Variants in FAHD2B observed in about 807,000 individuals in gnomAD.
FAHD2B encodes fumarylacetoacetate hydrolase domain containing 2B, also known as oxaloacetate tautomerase FAHD2B, mitochondrial.
A neutral mutation model predicts 33.7 loss-of-function variants in FAHD2B; 26 were observed. That is an observed-to-expected ratio of 0.77 (90% CI 0.57 to 1.07). The LOEUF (loss-of-function observed/expected upper bound fraction) is 1.07, where lower values mean the gene tolerates loss of function less well. Ranked by LOEUF, FAHD2B falls within the 50% of genes least tolerant of loss-of-function variation. FAHD2B has a pLI of 0.00. For synonymous variants in FAHD2B, 108 were observed against 150.9 expected (o/e 0.72, Z 2.08); for missense variants, 272 against 388.1 (o/e 0.70, Z 2.51).
chr2:97,093,317 C>T (rs1035634271), intron 1 of FAHD2B, among the ~76,000 whole-genome samples: 1 of 152,012 alleles, frequency 6.6e-6, no homozygotes, highest in Non-Finnish European at 1.5e-5. Context: ...ACTTCTCTGC[C>T]CTGCTATCTT....
chr2:97,089,685 C>T (rs1014349009), intron 4 of FAHD2B: 1 of 184,624 alleles, frequency 5.4e-6, no homozygotes, highest in African/African-American at 2.4e-5. Context: ...TCACAAAACT[C>T]CAAGGTAACC....
At chr2:97,092,498 T>C (rs1444719852) in intron 1 of FAHD2B, among the ~76,000 whole-genome samples, 1 of 152,154 alleles carries the variant, frequency 6.6e-6, no homozygotes, top group Non-Finnish European at 1.5e-5. Context: ...AGGGCACATG[T>C]CTGTCTCTTT....
Position 97,091,651 on chromosome 2 carries a change from C to T in FAHD2B, c.56G>A (p.Trp19Ter). The T allele has an allele frequency of 2.5e-6, 4 of 1,613,768 alleles. No homozygotes were observed. The highest frequency in any genetic ancestry group is 3.4e-6 in the Non-Finnish European group (4 of 1,179,906). The change falls in exon 3 of 9, where the codon TGG becomes TAG. Residue 19 changes from tryptophan (W) to a stop codon, truncating the protein, a stop_gained. Transcript: ENST00000414820. LOFTEE classifies it high-confidence loss of function. ...CATGTCTCTGGAGGGTTGAAAGGGC[C>T]ACTTCTGAGCCTGCAGCAGAGCTGT... ...LLTALLQAQK[W>*]PFQPSRDMRL...
downstream of FAHD2B, chr2:97,081,123 G>C (rs1050006705): frequency 1.3e-4 from 198 of 1,498,914 alleles, no homozygotes; most frequent in Non-Finnish European, 1.7e-4. Context: ...GGGGGCTGCT[G>C]GCAGGCAGAG....
downstream of FAHD2B, chr2:97,082,370 G>C: frequency 1.9e-6 from 3 of 1,612,876 alleles, no homozygotes; most frequent in Non-Finnish European, 2.5e-6. Context: ...TGTGCTGGGT[G>C]CCAGGTCTAG....
chr2:97,093,732 C>T (rs2032498345), intron 1 of FAHD2B, among the ~76,000 whole-genome samples: 1 of 152,080 alleles, frequency 6.6e-6, no homozygotes, highest in Non-Finnish European at 1.5e-5. Context: ...CTCGGCCTCC[C>T]AAATTGTTGG....
intron 3 of FAHD2B, 52 bp from the exon 4 acceptor site, chr2:97,090,377 C>T (rs1417794374): frequency 6.8e-7 from 1 of 1,472,180 alleles, no homozygotes; most frequent in African/African-American, 1.4e-5. Context: ...GGTGGGCAAT[C>T]CCGGGCAGGC....
chr2:97,086,010 G>A, intron 5 of FAHD2B, 129 bp downstream of exon 5: 1 of 1,278,370 alleles, frequency 7.8e-7, no homozygotes, highest in African/African-American at 1.4e-5. Context: ...AGGGAGCAAG[G>A]AGGCTGACTG....
downstream of FAHD2B, chr2:97,082,207 G>C: frequency 6.5e-7 from 1 of 1,531,264 alleles, no homozygotes; most frequent in Non-Finnish European, 8.8e-7. Context: ...TCAGCCAGCA[G>C]TCACACTGCC....
chr2:97,092,982 A>G (rs1005080575), intron 1 of FAHD2B, among the ~76,000 whole-genome samples: 1 of 151,606 alleles, frequency 6.6e-6, no homozygotes, highest in South Asian at 2.1e-4. Flanking sequence ...AAAAAAAAAA[A>G]AAAAAAGAAA....
At chr2:97,079,685 GA>G (rs1307141397), downstream of FAHD2B, among the ~76,000 whole-genome samples, 1 of 145,994 alleles carries the variant, frequency 6.8e-6, no homozygotes, top group Non-Finnish European at 1.5e-5. Flanking sequence ...TTTTTTTTGA[GA>G]CGGAGTCTCA....
In FAHD2B at chr2:97,091,621, A is replaced by C. The variant is rs555192064; in HGVS notation, c.86T>G (p.Leu29Arg). 1 of 1,613,900 alleles carries C rather than the reference A, an allele frequency of 6.2e-7. No homozygotes were observed. The highest frequency in any genetic ancestry group is 1.3e-5 in the African/African-American group (1 of 74,980). ...WPFQPSRDMRLVQFRAPHLVG... is the reference protein window; with the variant it reads ...WPFQPSRDMRRVQFRAPHLVG... Reference sequence around the variant, plus strand: ...CAGGTGGGGTGCCCGGAACTGCACTAGTCTCATGTCTCTGGAGGGTTGAAA... The same window carrying C: ...CAGGTGGGGTGCCCGGAACTGCACTCGTCTCATGTCTCTGGAGGGTTGAAA... Residue 29 changes from leucine to arginine, a missense_variant, in exon 3 of 9, where the codon CTA becomes CGA. By Grantham distance (102) the Leu-to-Arg change is moderately radical (BLOSUM62 -2). Transcript: ENST00000414820.
At chr2:97,083,442 G>A, downstream of FAHD2B, 1 of 1,377,278 alleles carries the variant, frequency 7.3e-7, no homozygotes, top group Non-Finnish European at 9.7e-7. Context: ...AAGGGGACGA[G>A]ACGAGTTGTC....
intron 6 of FAHD2B, among the ~76,000 whole-genome samples, chr2:97,084,720 G>C (rs2031851661): frequency 1.3e-5 from 2 of 151,948 alleles, no homozygotes. Flanking sequence ...AACCAGCCTG[G>C]GTAACACAGT....
chr2:97,080,226 T>C (rs1404911720), downstream of FAHD2B, among the ~76,000 whole-genome samples: 6 of 152,050 alleles, frequency 3.9e-5, no homozygotes, highest in Non-Finnish European at 8.8e-5. Flanking sequence ...TAGTTTGGGG[T>C]TTTACATTTA....
intron 1 of FAHD2B, among the ~76,000 whole-genome samples, chr2:97,093,803 G>C (rs2032504154): frequency 6.6e-6 from 1 of 152,186 alleles, no homozygotes; most frequent in East Asian, 1.9e-4. Flanking sequence ...GTGGAAGGTA[G>C]GTACTGTTAG....
At chr2:97,080,425 T>A (rs1465297120), downstream of FAHD2B, among the ~76,000 whole-genome samples, 1 of 152,084 alleles carries the variant, frequency 6.6e-6, no homozygotes, top group African/African-American at 2.4e-5. Context: ...CTGGGTTCTC[T>A]ATTCTGTTCC....
chr2:97,089,579 A>G (rs2032205390), intron 4 of FAHD2B, among the ~76,000 whole-genome samples: 2 of 151,708 alleles, frequency 1.3e-5, no homozygotes, highest in Admixed American at 6.6e-5. Flanking sequence ...TCTTTTCTAC[A>G]TAAGGATGTT....
At chr2:97,084,076 C>T (rs1282447874) in intron 7 of FAHD2B, 41 bp from the exon 8 acceptor site, 1 of 1,613,160 alleles carries the variant, frequency 6.2e-7, no homozygotes. Context: ...CAGGGGCTGG[C>T]TGAGTGGCCA....
Sources: allele counts gnomAD v4.1 joint callset (sites outside exome capture counted in the v4.1 genomes callset), GRCh38; gene constraint gnomAD v4.1.1; transcripts MANE v1.5; gene names NCBI Gene and HGNC (gene_info 2026-07-23, HGNC 2026-07-21).